MAGI1: variants seen among roughly 807,000 people sequenced by gnomAD.
MAGI1 encodes membrane associated guanylate kinase, WW and PDZ domain containing 1.
MAGI1 carries 58 observed loss-of-function variants against 139.9 expected under a neutral mutation model. The observed-to-expected ratio is 0.41, with a 90% confidence interval of 0.34 to 0.52. The LOEUF is 0.52. MAGI1 is among the 20% of genes least tolerant of loss of function. The pLI is 0.12. For synonymous variants in MAGI1, 812 were observed against 737.9 expected, an observed-to-expected ratio of 1.10 and a Z score of -1.63; for missense variants, 1,874 against 1,901.6, an observed-to-expected ratio of 0.99 and a Z score of 0.27.
In MAGI1 at chr3:65,364,915, T is replaced by C; in HGVS notation, c.3228A>G (p.Ala1076=). 2.5e-6 allele frequency: 4 copies of C among 1,613,972 alleles called. No homozygotes were observed. The highest frequency in any genetic ancestry group is 3.4e-6 in the Non-Finnish European group (4 of 1,179,918). Residue 1076 remains alanine (A), a synonymous_variant, in exon 19 of 23, where the codon GCA becomes GCG. Transcript: ENST00000402939. ...ESSNATLLTN[A]EKIATITTTH... The stretch of plus-strand genomic sequence containing the variant: ...TGGTGGTGATGGTGGCAATCTTCTC[T>C]GCATTGGTCAGCAAGGTGGCATTCG...
intron 1 of MAGI1, among the ~76,000 whole-genome samples, chr3:65,870,723 A>G (rs1181142958): frequency 6.6e-6 from 1 of 151,724 alleles, no homozygotes; most frequent in African/African-American, 2.4e-5. Context: ...AGTGAAAAAA[A>G]AAAAAAAGAA....
intron 2 of MAGI1, among the ~76,000 whole-genome samples, chr3:65,537,802 G>C (rs2079029900): frequency 1.3e-5 from 2 of 152,048 alleles, no homozygotes; most frequent in South Asian, 4.1e-4. Context: ...CACATTTAAA[G>C]AGAAAGATTA....
chr3:65,495,441 T>C (rs932748369), intron 2 of MAGI1, among the ~76,000 whole-genome samples: 76 of 152,272 alleles, frequency 5.0e-4, no homozygotes, highest in African/African-American at 1.7e-3. Context: ...TATAAATATA[T>C]CTCTGTTTAT....
chr3:65,752,249 T>A (rs1027403296), intron 1 of MAGI1, among the ~76,000 whole-genome samples: 5 of 152,176 alleles, frequency 3.3e-5, no homozygotes, highest in Non-Finnish European at 7.3e-5. Context: ...GCAAAGATAC[T>A]TAGAAGTAGC....
chr3:65,483,002 A>G (rs142808056), intron 3 of MAGI1, among the ~76,000 whole-genome samples: 232 of 152,340 alleles, frequency 1.5e-3, no homozygotes, highest in South Asian at 6.0e-3. Context: ...AAGATCTTGG[A>G]CCCCATCTAG....
At chr3:66,010,066 ACT>A (rs1169050212) in intron 1 of MAGI1, among the ~76,000 whole-genome samples, 1 of 107,546 alleles carries the variant, frequency 9.3e-6, no homozygotes, top group Non-Finnish European at 1.7e-5. Flanking sequence ...ACAAAGTGAT[ACT>A]CTCTGTCTCA....
intron 1 of MAGI1, among the ~76,000 whole-genome samples, chr3:65,887,093 A>G (rs2060564801): frequency 6.6e-6 from 1 of 152,178 alleles, no homozygotes; most frequent in African/African-American, 2.4e-5. Flanking sequence ...TGAAACCAAG[A>G]TTCTCAGACA....
chr3:65,480,157 G>A (rs1223734321), intron 3 of MAGI1, among the ~76,000 whole-genome samples: 2 of 62,354 alleles, frequency 3.2e-5, no homozygotes, highest in East Asian at 8.0e-4. Context: ...TATTACACAA[G>A]CACCAAAAAA....
chr3:65,652,178 T>C (rs1306889698), intron 1 of MAGI1, among the ~76,000 whole-genome samples: 1 of 152,154 alleles, frequency 6.6e-6, no homozygotes, highest in Non-Finnish European at 1.5e-5. Flanking sequence ...TAAACTCTGA[T>C]TATCAAAGGG....
chr3:65,650,802 C>T (rs2085532584), intron 1 of MAGI1, among the ~76,000 whole-genome samples: 1 of 152,096 alleles, frequency 6.6e-6, no homozygotes, highest in Admixed American at 6.5e-5. Flanking sequence ...GCAGTGCTCC[C>T]AGGTGATAAG....
intron 1 of MAGI1, among the ~76,000 whole-genome samples, chr3:65,877,409 G>A (rs2060158493): frequency 1.3e-5 from 2 of 152,262 alleles, no homozygotes; most frequent in East Asian, 1.9e-4. Context: ...CAGCCTCCCT[G>A]AAAATGTGAG....
intron 2 of MAGI1, among the ~76,000 whole-genome samples, chr3:65,546,606 A>G (rs2079520219): frequency 6.6e-6 from 1 of 152,250 alleles, no homozygotes. Context: ...CAGAGAAGAT[A>G]TTCATTCTAG....
At chr3:65,452,191 T>C (rs1298941662) in intron 6 of MAGI1, among the ~76,000 whole-genome samples, 2 of 152,164 alleles carry the variant, frequency 1.3e-5, no homozygotes, top group Non-Finnish European at 2.9e-5. Context: ...AGGACTTTTG[T>C]TTCCATTTGA....
At chr3:66,020,044 G>A (rs1025697142) in intron 1 of MAGI1, among the ~76,000 whole-genome samples, 2 of 152,186 alleles carry the variant, frequency 1.3e-5, no homozygotes, top group African/African-American at 4.8e-5. Flanking sequence ...GCAGAACTAA[G>A]GCATTCAGCA....
At chr3:65,939,040 C>A (rs1438885924) in intron 1 of MAGI1, among the ~76,000 whole-genome samples, 1 of 151,970 alleles carries the variant, frequency 6.6e-6, no homozygotes, top group Non-Finnish European at 1.5e-5. Context: ...TCGTTTGCGC[C>A]CCCATCCCAA....
At chr3:65,926,327 T>TTCTCTCTCTCTCTCTCTCTCTCTCTC (rs377665681) in intron 1 of MAGI1, among the ~76,000 whole-genome samples, 4 of 115,588 alleles carry the variant, frequency 3.5e-5, no homozygotes, top group African/African-American at 1.0e-4. Flanking sequence ...AAGTCTTCTT[T>TTCTCTCTCTCTCTCTCTCTCTCTCTC]TCTCTCTCTC....
At chr3:65,944,753 GAT>G (rs2063476044) in intron 1 of MAGI1, among the ~76,000 whole-genome samples, 2 of 152,222 alleles carry the variant, frequency 1.3e-5, no homozygotes, top group Admixed American at 1.3e-4. Flanking sequence ...ATAAAACAAA[GAT>G]ATATGTCTAA....
chr3:65,580,216 A>C (rs916013983), intron 2 of MAGI1, among the ~76,000 whole-genome samples: 6 of 152,228 alleles, frequency 3.9e-5, no homozygotes, highest in African/African-American at 1.2e-4. Flanking sequence ...AGCACTTTCC[A>C]GAATGTATTC....
In MAGI1 at chr3:65,354,882, TCTTTTTTTTTTTCTTTTTC is replaced by T. The variant is rs948784888; in HGVS notation, c.*1477_*1495del. On this transcript the variant is annotated 3_prime_UTR_variant, in exon 23 of 23. Coordinates refer to ENST00000402939, the MANE Select transcript of MAGI1 (RefSeq NM_001033057.2). ...TGTACACGCAATGATTGGCTGGTTT[TCTTTTTTTTTTTCTTTTTC>T]CTTTTTTTTTTTCTTACAGTACCAT... is the stretch of plus-strand genomic sequence containing the variant. 2.6e-5 allele frequency: 4 copies of T among 152,240 alleles called. No individual in the cohort carries two copies. The highest frequency in any genetic ancestry group is 1.9e-4 in the East Asian group (1 of 5,190). 9.4% of individuals were successfully genotyped at this position (152,240 alleles called of 1,614,324 possible). A position where few individuals can be genotyped will look rare whatever the true frequency, so the allele number is the denominator to read the frequency against.
Sources: allele counts gnomAD v4.1 joint callset (sites outside exome capture counted in the v4.1 genomes callset), GRCh38; gene constraint gnomAD v4.1.1; transcripts MANE v1.5; gene names NCBI Gene and HGNC (gene_info 2026-07-23, HGNC 2026-07-21).